POLR2J: variants seen among roughly 807,000 people sequenced by gnomAD.
POLR2J encodes RNA polymerase II subunit J, also known as DNA-directed RNA polymerase II subunit RPB11-a.
A neutral mutation model predicts 13.4 loss-of-function variants in POLR2J; 12 were observed. The observed-to-expected ratio is 0.90, with a 90% CI of 0.57 to 1.45. The LOEUF (loss-of-function observed/expected upper bound fraction) is 1.45. Ranked by LOEUF, POLR2J falls within the 40% of genes most tolerant of loss-of-function variation. POLR2J has a pLI of 0.00. For missense variants in POLR2J, 58 were observed against 132.0 expected (o/e 0.44, Z 2.75); for synonymous variants, 31 against 53.6 (o/e 0.58, Z 1.84).
chr7:102,473,551 G>A lies in POLR2J; in HGVS notation c.*98C>T. ...AGGGGTGGCCACAAGGCGGGCCATG[G>A]CTGGGACCGGCCGCTCTCCTCGGTG... On this transcript the variant is annotated 3_prime_UTR_variant, in exon 4 of 4. Coordinates refer to ENST00000292614, the MANE Select transcript of POLR2J (RefSeq NM_006234.6). The A allele has an allele frequency of 1.3e-6, 2 of 1,555,884 alleles. No homozygotes were observed. The highest frequency in any genetic ancestry group is 1.9e-5 in the Admixed American group (1 of 51,992).
In POLR2J at chr7:102,474,049, T is replaced by G. The variant is rs1361001971; in HGVS notation, c.318+312A>C. 5 of 1,448,540 alleles carry G rather than the reference T, an allele frequency of 3.5e-6. No homozygotes were observed. The African/African-American group carries it at 7.1e-5, about 21-fold the overall frequency. The allele number at this position is 1,448,540 out of a possible 1,614,324, so 89.7% of individuals were successfully genotyped here. A position where few individuals can be genotyped will look rare whatever the true frequency, so the allele number is the denominator to read the frequency against. The stretch of plus-strand genomic sequence containing the variant: ...CCCAGAGACCTGGAAGGACCAGGCC[T>G]TGCCAATCACCAACAAGGGACGTAG... On this transcript the variant is annotated intron_variant, in intron 3 of 3. Coordinates refer to ENST00000292614, the MANE Select transcript of POLR2J (RefSeq NM_006234.6).
rs564442869 is a variant in POLR2J, at chr7:102,474,921, G to C, written c.144-386C>G. On this transcript the variant is annotated intron_variant, in intron 2 of 3. Transcript: ENST00000292614. The stretch of plus-strand genomic sequence containing the variant: ...AGGCAGCAGGAGAGGAGGGCCAGCT[G>C]CCGGCAGTGAGTGGAATGCAAATGG... 1.2e-3 allele frequency among the ~76,000 whole-genome samples: 172 copies of C among 145,210 alleles called. 1 individual carries two copies. The highest frequency in any genetic ancestry group is 2.8e-3 in the African/African-American group (111 of 39,820).
intron 1 of POLR2J, among the ~76,000 whole-genome samples, 190 bp from the exon 2 acceptor site, chr7:102,476,460 G>A (rs1339578510): frequency 6.6e-6 from 1 of 150,984 alleles, no homozygotes; most frequent in Non-Finnish European, 1.5e-5. Flanking sequence ...GCAAAACCCT[G>A]CCTGTACTAA....
At chr7:102,473,766 G>T (rs970939188) in intron 3 of POLR2J, 82 bp from the exon 4 acceptor site, 7 of 1,582,804 alleles carry the variant, frequency 4.4e-6, no homozygotes, top group East Asian at 2.3e-5. Flanking sequence ...CATCCCCCCC[G>T]CCAGGCCCTT....
chr7:102,475,207 C>A (rs1405408629), intron 2 of POLR2J, among the ~76,000 whole-genome samples: 5 of 152,066 alleles, frequency 3.3e-5, no homozygotes, highest in Admixed American at 1.3e-4. Context: ...CCTGCGCCTG[C>A]CCACACCAGG....
chr7:102,473,236 G>GGAGTT lies in POLR2J; in HGVS notation c.*408_*412dup, dbSNP rs1244617589. 35 of 717,116 alleles carry GGAGTT rather than the reference G, an allele frequency of 4.9e-5. No homozygotes were observed. The African/African-American group carries it at 5.4e-4, about 11-fold the overall frequency. The allele number at this position is 717,116 out of a possible 1,614,324, so 44.4% of individuals were successfully genotyped here. A position where few individuals can be genotyped will look rare whatever the true frequency, so the allele number is the denominator to read the frequency against. ...CTGCTTTGACTGACAGGCAGGCCCAGGAGTTGAGGCTTCTAGAGCAGAGAC... is the reference window on the plus strand; with the variant it reads ...CTGCTTTGACTGACAGGCAGGCCCAGGAGTTGAGTTGAGGCTTCTAGAGCAGAGAC... On this transcript the variant is annotated 3_prime_UTR_variant, in exon 4 of 4. Transcript: ENST00000292614.
Position 102,473,339 on chromosome 7 carries a change from TG to T in POLR2J, c.*309del, listed in dbSNP as rs1198237581. ...CAGCAGCCCCTGGACCCCGGATCTT[TG>T]GTCCAGAATGAATTCATCCCTGCCA... is the stretch of plus-strand genomic sequence containing the variant. On this transcript the variant is annotated 3_prime_UTR_variant, in exon 4 of 4. Transcript: ENST00000292614. 7.1e-6 allele frequency: 4 copies of T among 561,394 alleles called. No homozygotes were observed. Among genetic ancestry groups the T allele is most frequent in the African/African-American group, 1.9e-5 (1 of 52,998 alleles). The allele number at this position is 561,394 out of a possible 1,614,324, so 34.8% of individuals were successfully genotyped here.
rs1183635922 is a variant in POLR2J at position 102,474,277 on chromosome 7, G to A, written c.318+84C>T. The A allele has an allele frequency of 3.7e-6, 6 of 1,609,688 alleles. No individual in the cohort carries two copies. The African/African-American group carries it at 6.7e-5, about 18-fold the overall frequency. On this transcript the variant is annotated intron_variant, in intron 3 of 3. Transcript: ENST00000292614. Reference sequence around the variant, plus strand: ...CCGCCTCTCCCCCAGGACCTCCGAAGAAACAGGCCAGGGCTGTCCCAGGCC... The same window carrying A: ...CCGCCTCTCCCCCAGGACCTCCGAAAAAACAGGCCAGGGCTGTCCCAGGCC...
chr7:102,473,710 C>T, intron 3 of POLR2J, 26 bp from the exon 4 acceptor site: 3 of 1,613,600 alleles, frequency 1.9e-6, no homozygotes, highest in Non-Finnish European at 2.5e-6. Context: ...GTGGTGGAGA[C>T]TGAGCTGGAA....
At chr7:102,473,737 G>A (rs1255538281) in intron 3 of POLR2J, 53 bp from the exon 4 acceptor site, 18 of 1,610,948 alleles carry the variant, frequency 1.1e-5, no homozygotes, top group African/African-American at 5.4e-5. Flanking sequence ...GGGCAAGGAC[G>A]CTGGAAACAC....
chr7:102,476,571 T>C (rs1432407773), intron 1 of POLR2J, among the ~76,000 whole-genome samples: 5 of 140,236 alleles, frequency 3.6e-5, no homozygotes, highest in Non-Finnish European at 7.7e-5. Flanking sequence ...ACCTGGGAGG[T>C]GGAGTTGCAG....
chr7:102,475,959 A>G (rs201332072), intron 2 of POLR2J, among the ~76,000 whole-genome samples: 16,527 of 111,960 alleles, frequency 0.15, 8 homozygotes, highest in East Asian at 0.26. Flanking sequence ...GTAAATGCAC[A>G]TGTTCATCTA....
At chr7:102,473,859 T>G in intron 3 of POLR2J, 175 bp from the exon 4 acceptor site, 1 of 1,444,232 alleles carries the variant, frequency 6.9e-7, no homozygotes, top group Non-Finnish European at 9.1e-7. Flanking sequence ...CCAGCCATTC[T>G]CTATGGCAGC....
intron 1 of POLR2J, among the ~76,000 whole-genome samples, chr7:102,478,066 C>T (rs1798476430): frequency 1.2e-5 from 1 of 82,300 alleles, no homozygotes; most frequent in Admixed American, 1.6e-4. Context: ...TCACCTCAAC[C>T]TCCACTTCCC....
At position 102,473,688 on chromosome 7, in the gene POLR2J, G is replaced by T; in HGVS notation, c.319-4C>A. ...CCTGCTTGTCTTTTATGGCCACCTGGGAGAGAAGAAGGTGGTGGAGACTGA... is the reference window on the plus strand; with the variant it reads ...CCTGCTTGTCTTTTATGGCCACCTGTGAGAGAAGAAGGTGGTGGAGACTGA... On this transcript the variant is annotated splice_region_variant and splice_polypyrimidine_tract_variant and intron_variant, in intron 3 of 3. Transcript: ENST00000292614. The T allele has an allele frequency of 6.2e-7, 1 of 1,613,866 alleles. No homozygotes were observed. The highest frequency in any genetic ancestry group is 1.3e-5 in the African/African-American group (1 of 75,006).
At chr7:102,474,264 C>G (rs1467323845) in intron 3 of POLR2J, 97 bp downstream of exon 3, 27 of 1,607,082 alleles carry the variant, frequency 1.7e-5, no homozygotes, top group Middle Eastern at 2.2e-4. Context: ...GCCTCTCCCC[C>G]AGGACCTCCG....
At chr7:102,473,966 C>T (rs577481090) in intron 3 of POLR2J, 1 of 1,435,640 alleles carries the variant, frequency 7.0e-7, no homozygotes, top group East Asian at 2.5e-5. Context: ...CTAAACTGTT[C>T]TAGATTCCCA....
intron 3 of POLR2J, chr7:102,473,933 C>CCCAAG (rs1319380527): frequency 1.4e-6 from 2 of 1,434,642 alleles, no homozygotes; most frequent in African/African-American, 2.9e-5. Flanking sequence ...GTTGAAATCC[C>CCCAAG]CCAAGCTGTG....
rs1385669539 is a variant in POLR2J at position 102,473,587 on chromosome 7, A to G, written c.*62T>C. The G allele has an allele frequency of 1.9e-6, 3 of 1,605,524 alleles. No homozygotes were observed. In the African/African-American group the frequency reaches 4.0e-5, roughly 21 times the overall value. On this transcript the variant is annotated 3_prime_UTR_variant, in exon 4 of 4. Coordinates refer to ENST00000292614, the MANE Select transcript of POLR2J (RefSeq NM_006234.6). ...CCGCTCTCCTCGGTGTGGTACCTGG[A>G]GCGGAGGGTCAGGCACAGGTAGGAA...
Sources: gnomAD v4.1 joint callset for allele counts (sites outside exome capture counted in the v4.1 genomes callset) on GRCh38, gnomAD v4.1.1 for gene constraint, MANE v1.5 for transcripts, NCBI Gene and HGNC (gene_info 2026-07-23, HGNC 2026-07-21) for gene names.